ARPIN: variants seen among roughly 807,000 people sequenced by gnomAD.
ARPIN encodes actin related protein 2/3 complex inhibitor, also known as UPF0552 protein C15orf38.
Under a neutral mutation model 25.9 loss-of-function variants are expected in ARPIN, and 23 were observed. That is an observed-to-expected ratio of 0.89 (90% CI 0.64 to 1.26). The LOEUF (loss-of-function observed/expected upper bound fraction) is 1.26, where lower values mean the gene tolerates loss of function less well. Among genes scored for constraint, ARPIN ranks in the 50% most tolerant of loss-of-function variants. The pLI, the probability that ARPIN is intolerant of heterozygous loss-of-function variation, is 0.00. For missense variants in ARPIN, 333 were observed against 312.2 expected (o/e 1.07, Z -0.50); for synonymous variants, 126 against 131.4 (o/e 0.96, Z 0.28).
In ARPIN at chr15:89,908,292, T is replaced by C. The variant is rs762717072; in HGVS notation, c.289A>G (p.Met97Val). 6.8e-6 allele frequency: 11 copies of C among 1,613,962 alleles called. No individual in the cohort carries two copies. Among genetic ancestry groups the C allele is most frequent in the South Asian group, 5.5e-5 (5 of 91,068 alleles). Residue 97 changes from methionine to valine, a missense_variant, in exon 3 of 6, where the codon ATG becomes GTG. Met to Val is a conservative substitution (Grantham distance 21). Coordinates refer to ENST00000357484, the MANE Select transcript of ARPIN (RefSeq NM_182616.4). ...ATRKVNTGFL[M>V]SSYKVEAKGD... The stretch of plus-strand genomic sequence containing the variant: ...AGAGGATACCTACTGTAGGACGACA[T>C]GAGGAAGCCCGTGTTCACCTTCCTG...
intron 1 of ARPIN, 34 bp from the exon 2 acceptor site, chr15:89,910,853 T>A: frequency 6.2e-7 from 1 of 1,612,458 alleles, no homozygotes; most frequent in Non-Finnish European, 8.5e-7. Context: ...GATAGCCAGT[T>A]TTGTCAGTCC....
Position 89,910,636 on chromosome 15 carries a change from A to G in ARPIN, c.168+108T>C, listed in dbSNP as rs1289714139. The G allele has an allele frequency of 2.9e-6, 4 of 1,403,106 alleles. No homozygotes were observed. The Admixed American group carries it at 7.7e-5, about 27-fold the overall frequency. 86.9% of individuals were successfully genotyped at this position (1,403,106 alleles called of 1,614,324 possible). A position where few individuals can be genotyped will look rare whatever the true frequency, so the allele number is the denominator to read the frequency against. On this transcript the variant is annotated intron_variant, in intron 2 of 5. Transcript: ENST00000357484. ...TTCCCACTTGCTTTCTAAGCCCATC[A>G]AGAATCCCAACTCATGGCACTGGAA...
At chr15:89,904,119 G>A (rs764277908) in intron 3 of ARPIN, 136 bp from the exon 4 acceptor site, 20 of 1,100,098 alleles carry the variant, frequency 1.8e-5, no homozygotes, top group Admixed American at 1.1e-4. Context: ...CCCATTCTGC[G>A]AGTCCTCATC....
intron 5 of ARPIN, among the ~76,000 whole-genome samples, chr15:89,902,151 G>A (rs560252113): frequency 2.6e-5 from 4 of 152,284 alleles, no homozygotes; most frequent in South Asian, 2.1e-4. Context: ...GCTCAAGCCC[G>A]TAATCCCAGC....
rs1306993639 is a variant in ARPIN at position 89,898,399 on chromosome 15, A to AC, written c.*3395dup. 1 of 152,218 alleles carries AC rather than the reference A, an allele frequency of 6.6e-6. No homozygotes were observed. The highest frequency in any genetic ancestry group is 1.5e-5 in the Non-Finnish European group (1 of 68,084). The allele number at this position is 152,218 out of a possible 1,614,324, so 9.4% of individuals were successfully genotyped here. A position where few individuals can be genotyped will look rare whatever the true frequency, so the allele number is the denominator to read the frequency against. ...CACAGCCCTTCCCAAACTGTTTCTC[A>AC]CAACAGCTGTCCCATGAAATGCTCC... On this transcript the variant is annotated 3_prime_UTR_variant, in exon 6 of 6. Transcript: ENST00000357484.
chr15:89,909,859 G>A (rs77791740), intron 2 of ARPIN, among the ~76,000 whole-genome samples: 270 of 152,322 alleles, frequency 1.8e-3, no homozygotes, highest in African/African-American at 6.2e-3. Flanking sequence ...AGGGTTCCCA[G>A]CCCGGTGGCT....
chr15:89,908,869 G>A (rs1897174559), intron 2 of ARPIN, among the ~76,000 whole-genome samples: 2 of 152,098 alleles, frequency 1.3e-5, no homozygotes, highest in Non-Finnish European at 1.5e-5. Flanking sequence ...TGTAATCCCA[G>A]CTATTCAGGA....
rs1363591548 is a variant in ARPIN at position 89,900,781 on chromosome 15, A to G, written c.*1014T>C. On this transcript the variant is annotated 3_prime_UTR_variant, in exon 6 of 6. Transcript: ENST00000357484. Reference sequence around the variant, plus strand: ...GTATACTACCCAAAAGGCAGTGTTCATGAGCCAAGAGAAATGGCTTCCTTC... The same window carrying G: ...GTATACTACCCAAAAGGCAGTGTTCGTGAGCCAAGAGAAATGGCTTCCTTC... The G allele has an allele frequency of 3.3e-5, 5 of 152,238 alleles. No individual in the cohort carries two copies. The highest frequency in any genetic ancestry group is 7.3e-5 in the Non-Finnish European group (5 of 68,052). 9.4% of individuals were successfully genotyped at this position (152,238 alleles called of 1,614,324 possible). A position where few individuals can be genotyped will look rare whatever the true frequency, so the allele number is the denominator to read the frequency against.
At chr15:89,907,035 G>C (rs939903940) in intron 3 of ARPIN, among the ~76,000 whole-genome samples, 2 of 149,650 alleles carry the variant, frequency 1.3e-5, no homozygotes, top group African/African-American at 4.9e-5. Flanking sequence ...ATAATGCCTA[G>C]AAGTAAAGTG....
chr15:89,898,149 A>G lies in ARPIN; in HGVS notation c.*3646T>C, dbSNP rs1461787151. 1 of 152,134 alleles carries G rather than the reference A, an allele frequency of 6.6e-6. No homozygotes were observed. The highest frequency in any genetic ancestry group is 2.4e-5 in the African/African-American group (1 of 41,406). The allele number at this position is 152,134 out of a possible 1,614,324, so 9.4% of individuals were successfully genotyped here. ...AAAAGAAAGAAAGAAAATTTCCCAT[A>G]TGAATGAAGCTCAGAGGATTTGCTT... On this transcript the variant is annotated 3_prime_UTR_variant, in exon 6 of 6. Coordinates refer to ENST00000357484, the MANE Select transcript of ARPIN (RefSeq NM_182616.4).
rs1403177055 is a variant in ARPIN, at chr15:89,897,984, G to C, written c.*3811C>G. 2 of 151,988 alleles carry C rather than the reference G, an allele frequency of 1.3e-5. No individual in the cohort carries two copies. The highest frequency in any genetic ancestry group is 2.9e-5 in the Non-Finnish European group (2 of 68,020). The allele number at this position is 151,988 out of a possible 1,614,324, so 9.4% of individuals were successfully genotyped here. A position where few individuals can be genotyped will look rare whatever the true frequency, so the allele number is the denominator to read the frequency against. On this transcript the variant is annotated 3_prime_UTR_variant, in exon 6 of 6. Coordinates refer to ENST00000357484, the MANE Select transcript of ARPIN (RefSeq NM_182616.4). ...GTGGTGGCGCAGGCCTGTAATCCCAGCTACTTGGGATTACAGTAATCCTCC... is the reference window on the plus strand; with the variant it reads ...GTGGTGGCGCAGGCCTGTAATCCCACCTACTTGGGATTACAGTAATCCTCC...
In ARPIN at chr15:89,912,221, C is replaced by T. The variant is rs549059704; in HGVS notation, c.92+523G>A. On this transcript the variant is annotated intron_variant, in intron 1 of 5. Transcript: ENST00000357484. ...CTGGCTTATTTCACTTAGCACAATT[C>T]TTCAGCGCAGTTGTAAATGGAATGG... 12 of 986,888 alleles carry T rather than the reference C, an allele frequency of 1.2e-5. No homozygotes were observed. The African/African-American group carries it at 2.1e-4, about 17-fold the overall frequency. 61.1% of individuals were successfully genotyped at this position (986,888 alleles called of 1,614,324 possible). A position where few individuals can be genotyped will look rare whatever the true frequency, so the allele number is the denominator to read the frequency against.
chr15:89,901,806 A>G lies in ARPIN; in HGVS notation c.673-3T>C, dbSNP rs1897025999. The G allele has an allele frequency of 1.2e-6, 2 of 1,613,668 alleles. No individual in the cohort carries two copies. Among genetic ancestry groups the G allele is most frequent in the African/African-American group, 2.7e-5 (2 of 74,914 alleles). Reference sequence around the variant, plus strand: ...GGCAGCCACGTCCCTCAGTCATCCTAGAGAAATCCAAGGGGTAAAGAGATG... The same window carrying G: ...GGCAGCCACGTCCCTCAGTCATCCTGGAGAAATCCAAGGGGTAAAGAGATG... On this transcript the variant is annotated splice_region_variant and splice_polypyrimidine_tract_variant and intron_variant, in intron 5 of 5. Coordinates refer to ENST00000357484, the MANE Select transcript of ARPIN (RefSeq NM_182616.4).
In ARPIN at chr15:89,912,766, A is replaced by C; in HGVS notation, c.70T>G (p.Trp24Gly). The C allele has an allele frequency of 5.6e-6, 8 of 1,420,748 alleles. No individual in the cohort carries two copies. Among genetic ancestry groups the C allele is most frequent in the Non-Finnish European group, 5.5e-6 (6 of 1,086,816 alleles). 88.0% of individuals were successfully genotyped at this position (1,420,748 alleles called of 1,614,324 possible). The stretch of plus-strand genomic sequence containing the variant: ...TACCCCTGGTGGGCGGCGGGGTCCC[A>C]GGCCCCTGGCAGCCGGACGCTCTGC... ...AVQSVRLPGA[W>G]DPAAHQGGNG... Residue 24 changes from tryptophan (W) to glycine (G), a missense_variant, in exon 1 of 6, where the codon TGG (tryptophan) becomes GGG (glycine). Physicochemically the swap from Trp to Gly is radical, Grantham distance 184. Transcript: ENST00000357484.
At chr15:89,909,461 G>A (rs1897185417) in intron 2 of ARPIN, among the ~76,000 whole-genome samples, 1 of 152,240 alleles carries the variant, frequency 6.6e-6, no homozygotes, top group African/African-American at 2.4e-5. Flanking sequence ...CCTTGTGCAT[G>A]TTTGAGCCAC....
In ARPIN at chr15:89,901,423, A is replaced by C; in HGVS notation, c.*372T>G. The C allele has an allele frequency of 3.8e-6, 1 of 264,300 alleles. No homozygotes were observed. The highest frequency in any genetic ancestry group is 7.3e-6 in the Non-Finnish European group (1 of 137,430). The allele number at this position is 264,300 out of a possible 1,614,324, so 16.4% of individuals were successfully genotyped here. A position where few individuals can be genotyped will look rare whatever the true frequency, so the allele number is the denominator to read the frequency against. On this transcript the variant is annotated 3_prime_UTR_variant, in exon 6 of 6. Transcript: ENST00000357484. ...GCTGGGTGCAGTGGCTCACGCCTGT[A>C]ATCCCAACACCTTGGGAGGTGGAGG...
intron 2 of ARPIN, among the ~76,000 whole-genome samples, chr15:89,908,769 G>C (rs962614497): frequency 6.6e-6 from 1 of 152,024 alleles, no homozygotes; most frequent in Non-Finnish European, 1.5e-5. Flanking sequence ...GGATCACGAG[G>C]TCAGGAGTTC....
chr15:89,908,990 AAAAAC>A (rs1038368637), intron 2 of ARPIN, among the ~76,000 whole-genome samples: 1 of 152,148 alleles, frequency 6.6e-6, no homozygotes, highest in African/African-American at 2.4e-5. Context: ...CTCAAAAAAC[AAAAAC>A]AAAACAAAAC....
chr15:89,903,700 T>C (rs1897065083), intron 4 of ARPIN, 77 bp downstream of exon 4: 4 of 1,580,836 alleles, frequency 2.5e-6, no homozygotes, highest in Admixed American at 1.7e-5. Context: ...TCCCATGAGC[T>C]CTAGGCAGAA....
Sources: gnomAD v4.1 joint callset for allele counts (sites outside exome capture counted in the v4.1 genomes callset) on GRCh38, gnomAD v4.1.1 for gene constraint, MANE v1.5 for transcripts, NCBI Gene and HGNC (gene_info 2026-07-23, HGNC 2026-07-21) for gene names.